MX2: variants seen among roughly 807,000 people sequenced by gnomAD.
The protein encoded by MX2 is MX dynamin like GTPase 2.
MX2 carries 51 observed loss-of-function variants against 74.0 expected under a neutral mutation model. The observed-to-expected ratio is 0.69, with a 90% confidence interval of 0.55 to 0.87. The LOEUF is 0.87. Among genes scored for constraint, MX2 ranks in the 40% least tolerant of loss-of-function variants. The pLI is 0.00. For synonymous variants in MX2, 369 were observed against 339.3 expected, an observed-to-expected ratio of 1.09 and a Z score of -0.96; for missense variants, 832 against 908.7, an observed-to-expected ratio of 0.92 and a Z score of 1.09.
chr21:41,399,507 A>G (rs121641), intron 10 of MX2, 170 bp downstream of exon 10: 473,904 of 637,002 alleles, frequency 0.74, 184,072 homozygotes, highest in Non-Finnish European at 0.83. Flanking sequence ...AATATGGGGC[A>G]TCGACCTCAG....
intron 5 of MX2, among the ~76,000 whole-genome samples, chr21:41,386,850 G>A (rs34583163): frequency 0.036 from 5,530 of 152,308 alleles, 303 homozygotes; most frequent in African/African-American, 0.12. Flanking sequence ...AGGAGTGTCC[G>A]AAGGAGAGAA....
intron 6 of MX2, 77 bp from the exon 7 acceptor site, chr21:41,395,510 C>G (rs2089722335): frequency 1.4e-6 from 2 of 1,386,708 alleles, no homozygotes; most frequent in African/African-American, 2.9e-5. Flanking sequence ...AAAAAAGGAG[C>G]CCATAGTCCA....
chr21:41,373,805 TAAA>T (rs34254609), intron 1 of MX2: 3 of 91,142 alleles, frequency 3.3e-5, no homozygotes, highest in Non-Finnish European at 6.7e-5. Flanking sequence ...CTCTCAAACT[TAAA>T]AAAAAAAAAA....
At chr21:41,394,046 A>C (rs1323130127) in intron 6 of MX2, among the ~76,000 whole-genome samples, 8 of 152,138 alleles carry the variant, frequency 5.3e-5, no homozygotes, top group Non-Finnish European at 1.2e-4. Flanking sequence ...GCCTAGACCA[A>C]GCCACCATGG....
Position 41,382,650 on chromosome 21 carries a change from G to A in MX2, c.732+86G>A, listed in dbSNP as rs547555609. On this transcript the variant is annotated intron_variant, in intron 5 of 13. Coordinates refer to ENST00000330714, the MANE Select transcript of MX2 (RefSeq NM_002463.2). ...CCAGGGTCCTGGTGTACCTCCTGGAGCCTTTACACTGAGGGATGAGGATGG... is the reference window on the plus strand; with the variant it reads ...CCAGGGTCCTGGTGTACCTCCTGGAACCTTTACACTGAGGGATGAGGATGG... The A allele has an allele frequency of 2.6e-6, 4 of 1,530,460 alleles. No homozygotes were observed. The South Asian group carries it at 4.7e-5, about 18-fold the overall frequency. The allele number at this position is 1,530,460 out of a possible 1,614,324, so 94.8% of individuals were successfully genotyped here. A position where few individuals can be genotyped will look rare whatever the true frequency, so the allele number is the denominator to read the frequency against.
chr21:41,389,364 T>G (rs1315039397), intron 5 of MX2, among the ~76,000 whole-genome samples: 1 of 151,750 alleles, frequency 6.6e-6, no homozygotes, highest in Non-Finnish European at 1.5e-5. Context: ...AAATAAAAAA[T>G]TAAAAAATTA....
At chr21:41,377,587 T>G (rs1179662516) in intron 2 of MX2, among the ~76,000 whole-genome samples, 1 of 151,894 alleles carries the variant, frequency 6.6e-6, no homozygotes, top group Non-Finnish European at 1.5e-5. Flanking sequence ...AGCCAAATCC[T>G]CCCAGCATCT....
At chr21:41,393,127 A>AAAAAAAAAAAAAAAAAG (rs1568944000) in intron 6 of MX2, among the ~76,000 whole-genome samples, 4 of 141,968 alleles carry the variant, frequency 2.8e-5, no homozygotes, top group African/African-American at 5.8e-5. Flanking sequence ...AAAAAAAAAA[A>AAAAAAAAAAAAAAAAAG]AAAAGAAAGA....
At position 41,372,125 on chromosome 21, in the gene MX2, T is replaced by A. The variant is rs375382357; in HGVS notation, c.-71-4711T>A. ...ATAGAAAGTCTAGCAAGAGGTAGACTTGCTATCATGAACCCATGGCTCTGA... is the reference window on the plus strand; with the variant it reads ...ATAGAAAGTCTAGCAAGAGGTAGACATGCTATCATGAACCCATGGCTCTGA... On this transcript the variant is annotated intron_variant, in intron 1 of 13. Transcript: ENST00000330714. Among the ~76,000 whole-genome samples the A allele has an allele frequency of 2.5e-4, 38 of 152,336 alleles. No individual in the cohort carries two copies. The South Asian group carries it at 7.7e-3, about 31-fold the overall frequency.
At chr21:41,377,242 A>G in intron 2 of MX2, 87 bp downstream of exon 2, 1 of 1,537,828 alleles carries the variant, frequency 6.5e-7, no homozygotes, top group Admixed American at 1.8e-5. Flanking sequence ...CAATAATAGA[A>G]CCAGCCAGTC....
rs540323554 is a variant in MX2 at position 41,408,454 on chromosome 21, C to T, written c.*221C>T. The T allele has an allele frequency of 5.0e-6, 3 of 597,166 alleles. No homozygotes were observed. Among genetic ancestry groups the T allele is most frequent in the South Asian group, 4.4e-5 (2 of 45,298 alleles). The allele number at this position is 597,166 out of a possible 1,614,324, so 37.0% of individuals were successfully genotyped here. On this transcript the variant is annotated 3_prime_UTR_variant, in exon 14 of 14. Coordinates refer to ENST00000330714, the MANE Select transcript of MX2 (RefSeq NM_002463.2). ...CTGACCTTCACGAAGGGATGGCTCTCCAGTCCTTGGGTCCCGTAGCACACA... is the reference window on the plus strand; with the variant it reads ...CTGACCTTCACGAAGGGATGGCTCTTCAGTCCTTGGGTCCCGTAGCACACA...
chr21:41,400,669 G>A (rs2089799549), intron 10 of MX2, among the ~76,000 whole-genome samples: 1 of 151,750 alleles, frequency 6.6e-6, no homozygotes, highest in Non-Finnish European at 1.5e-5. Flanking sequence ...TTTCCAAGGT[G>A]GCAGGAGAAA....
rs1168597007 is a variant in MX2, at chr21:41,377,794, C to G, written c.255C>G (p.Pro85=). ...ATCTGTTCTGCCTTCTCCAGGGGCC[C>G]GAGAACAACCTGTACAGCCAGTACG... is the stretch of plus-strand genomic sequence containing the variant. The part of the protein sequence containing the change: ...GNRSQPRAMG[P]ENNLYSQYEQ... Residue 85 remains proline, a synonymous_variant, in exon 3 of 14, where the codon CCC becomes CCG. Transcript: ENST00000330714. 2.5e-6 allele frequency: 4 copies of G among 1,608,692 alleles called. No individual in the cohort carries two copies. The highest frequency in any genetic ancestry group is 3.4e-6 in the Non-Finnish European group (4 of 1,175,710).
chr21:41,397,070 G>A (rs1356188476), intron 7 of MX2, among the ~76,000 whole-genome samples: 1 of 152,210 alleles, frequency 6.6e-6, no homozygotes, highest in African/African-American at 2.4e-5. Context: ...GGCACTGGCA[G>A]TGCTGGGGAA....
chr21:41,403,461 C>T (rs1056032781), intron 12 of MX2, 118 bp downstream of exon 12: 13 of 964,354 alleles, frequency 1.3e-5, no homozygotes, highest in Admixed American at 9.0e-5. Context: ...GGCAGGCTGG[C>T]GAGGCTGGCA....
chr21:41,396,630 G>A (rs548809224), intron 7 of MX2, among the ~76,000 whole-genome samples: 16 of 152,212 alleles, frequency 1.1e-4, no homozygotes, highest in African/African-American at 2.9e-4. Context: ...TACGTAACAC[G>A]ACATACACAA....
At chr21:41,371,271 G>C (rs2089321357) in intron 1 of MX2, among the ~76,000 whole-genome samples, 1 of 152,100 alleles carries the variant, frequency 6.6e-6, no homozygotes, top group Non-Finnish European at 1.5e-5. Flanking sequence ...AGGCTTTTGT[G>C]GTTAGTGTTG....
rs1427530203 is a variant in MX2, at chr21:41,408,173, T to C, written c.2088T>C (p.Ile696=). 1.2e-6 allele frequency: 2 copies of C among 1,614,172 alleles called. No individual in the cohort carries two copies. The highest frequency in any genetic ancestry group is 3.3e-5 in the Admixed American group (2 of 60,020). ...ATKRRILKER[I]YRLTQARHAL... The stretch of plus-strand genomic sequence containing the variant: ...AGAGAAGAATCCTTAAGGAGAGAAT[T>C]TACCGGCTCACTCAGGCGCGACACG... The change falls in exon 14 of 14, where the codon ATT becomes ATC. Residue 696 remains isoleucine, a synonymous_variant. Coordinates refer to ENST00000330714, the MANE Select transcript of MX2 (RefSeq NM_002463.2).
At position 41,399,177 on chromosome 21, in the gene MX2, G is replaced by T; in HGVS notation, c.1273-19G>T. ...TCATATGATTTCCGCAAAGACTATT[G>T]ACTTTATATCATTTTCAGAAAATCA... On this transcript the variant is annotated intron_variant, in intron 9 of 13. Transcript: ENST00000330714. 1 of 1,612,710 alleles carries T rather than the reference G, an allele frequency of 6.2e-7. No individual in the cohort carries two copies. Among genetic ancestry groups the T allele is most frequent in the South Asian group, 1.1e-5 (1 of 90,890 alleles).
Sources: gnomAD v4.1 joint callset for allele counts (sites outside exome capture counted in the v4.1 genomes callset) on GRCh38, gnomAD v4.1.1 for gene constraint, MANE v1.5 for transcripts, NCBI Gene and HGNC (gene_info 2026-07-23, HGNC 2026-07-21) for gene names.